Variants in SOX5 observed in about 807,000 individuals in gnomAD.
The protein encoded by SOX5 is SRY-box transcription factor 5.
Under a neutral mutation model 92.0 loss-of-function variants are expected in SOX5, and 9 were observed. The observed-to-expected ratio is 0.10, with a 90% CI of 0.06 to 0.17. SOX5 has a LOEUF of 0.17. Ranked by LOEUF, SOX5 falls within the 10% of genes least tolerant of loss-of-function variation. The pLI is 1.00. For synonymous variants in SOX5, 344 were observed against 336.3 expected (o/e 1.02, Z -0.25); for missense variants, 642 against 944.5 (o/e 0.68, Z 4.20).
chr12:23,595,618 CAAAAAAA>C (rs747265656), intron 9 of SOX5, among the ~76,000 whole-genome samples: 6 of 46,310 alleles, frequency 1.3e-4, no homozygotes, highest in Non-Finnish European at 2.3e-4. Context: ...GACTCTGCCT[CAAAAAAA>C]AAAAAAAAAA....
chr12:23,621,720 A>G (rs886148075), intron 8 of SOX5, among the ~76,000 whole-genome samples: 6 of 152,160 alleles, frequency 3.9e-5, no homozygotes, highest in African/African-American at 1.4e-4. Context: ...AGAAGAGGAA[A>G]GAGTACCAGA....
At position 24,324,232 on chromosome 12, in the gene SOX5, GA is replaced by G. The variant is rs371291637; in HGVS notation, c.-174+44330del. On this transcript the variant is annotated intron_variant, in intron 2 of 4. Transcript: ENST00000446891. ...ATTAGTTCATTAAAAGTTTTGTTTGGAAAAATCCCAGTCATATTCACAATGT... is the reference window on the plus strand; with the variant it reads ...ATTAGTTCATTAAAAGTTTTGTTTGGAAAATCCCAGTCATATTCACAATGT... Among the ~76,000 whole-genome samples the G allele has an allele frequency of 2.4e-3, 363 of 151,674 alleles. 3 individuals carry two copies. The highest frequency in any genetic ancestry group is 8.5e-3 in the African/African-American group (351 of 41,382).
At chr12:24,128,757 G>A (rs1388320246) in intron 4 of SOX5, among the ~76,000 whole-genome samples, 1 of 152,136 alleles carries the variant, frequency 6.6e-6, no homozygotes, top group Non-Finnish European at 1.5e-5. Context: ...TGCTATTGGA[G>A]GGCTTTAAAC....
intron 13 of SOX5, among the ~76,000 whole-genome samples, chr12:23,539,666 A>G (rs1941495702): frequency 6.6e-6 from 1 of 152,112 alleles, no homozygotes; most frequent in Non-Finnish European, 1.5e-5. Flanking sequence ...ATAATAAAAG[A>G]TGTGTAAATT....
intron 2 of SOX5, among the ~76,000 whole-genome samples, chr12:23,869,231 A>G (rs1428359137): frequency 3.3e-5 from 5 of 152,186 alleles, no homozygotes; most frequent in Non-Finnish European, 7.4e-5. Flanking sequence ...AAATACATTA[A>G]CTTGCCTAGT....
chr12:23,889,747 CTGACTCACGG>C (rs1263576617), intron 2 of SOX5, among the ~76,000 whole-genome samples: 3 of 152,116 alleles, frequency 2.0e-5, no homozygotes, highest in African/African-American at 7.2e-5. Flanking sequence ...AGGAAGAAAA[CTGACTCACGG>C]TGAATGTTGC....
At chr12:23,556,832 G>A (rs1945260388) in intron 11 of SOX5, among the ~76,000 whole-genome samples, 2 of 152,100 alleles carry the variant, frequency 1.3e-5, no homozygotes, top group African/African-American at 2.4e-5. Context: ...CTAAGGGAAG[G>A]AGCATGTGTT....
chr12:24,015,103 T>A (rs2136591491), intron 4 of SOX5, among the ~76,000 whole-genome samples: 4 of 152,166 alleles, frequency 2.6e-5, no homozygotes, highest in Admixed American at 2.6e-4. Context: ...TGTCTCTCTC[T>A]CTCTCTTTCT....
chr12:23,774,206 T>C (rs2095029594), intron 3 of SOX5, among the ~76,000 whole-genome samples: 1 of 152,174 alleles, frequency 6.6e-6, no homozygotes, highest in African/African-American at 2.4e-5. Context: ...GAAACATTAC[T>C]CTAGAACAAA....
chr12:23,657,849 G>C (rs778668865), intron 7 of SOX5, among the ~76,000 whole-genome samples: 1 of 152,170 alleles, frequency 6.6e-6, no homozygotes, highest in Non-Finnish European at 1.5e-5. Flanking sequence ...GTTGAAAAGA[G>C]AATACTAAGC....
chr12:24,413,791 G>T (rs12822167), intron 1 of SOX5, among the ~76,000 whole-genome samples: 58,310 of 151,944 alleles, frequency 0.38, 11,248 homozygotes, highest in Middle Eastern at 0.41. Context: ...TGAGCATGTT[G>T]TTTTTCATCG....
intron 6 of SOX5, among the ~76,000 whole-genome samples, chr12:23,732,136 T>G (rs1485811181): frequency 6.6e-6 from 1 of 152,178 alleles, no homozygotes; most frequent in Non-Finnish European, 1.5e-5. Flanking sequence ...GATAGCAGAT[T>G]GTATATTTAC....
At chr12:23,891,582 C>T (rs1375740511) in intron 2 of SOX5, among the ~76,000 whole-genome samples, 1 of 143,418 alleles carries the variant, frequency 7.0e-6, no homozygotes, top group Non-Finnish European at 1.5e-5. Context: ...ATGTCACACA[C>T]AAATACACAA....
At chr12:23,984,719 C>CT (rs2136198972) in intron 4 of SOX5, among the ~76,000 whole-genome samples, 1 of 152,226 alleles carries the variant, frequency 6.6e-6, no homozygotes, top group African/African-American at 2.4e-5. Context: ...AACTATAGGC[C>CT]TTTTCAGTCG....
intron 4 of SOX5, among the ~76,000 whole-genome samples, chr12:24,081,163 C>T (rs1038276034): frequency 7.9e-5 from 12 of 151,894 alleles, no homozygotes; most frequent in Non-Finnish European, 1.2e-4. Flanking sequence ...CATTGGCTTC[C>T]CCATAACTCT....
At chr12:23,663,438 T>C (rs2083341293) in intron 7 of SOX5, among the ~76,000 whole-genome samples, 1 of 152,184 alleles carries the variant, frequency 6.6e-6, no homozygotes. Flanking sequence ...GGAGGTGTTC[T>C]TGACCTTTTC....
At chr12:23,603,254 G>A in intron 9 of SOX5, among the ~76,000 whole-genome samples, 1 of 151,644 alleles carries the variant, frequency 6.6e-6, no homozygotes, top group East Asian at 1.9e-4. Context: ...AGCCACCAGG[G>A]TACTAGAGAA....
intron 4 of SOX5, among the ~76,000 whole-genome samples, chr12:24,210,914 G>A (rs1323524148): frequency 6.6e-6 from 1 of 152,152 alleles, no homozygotes; most frequent in Non-Finnish European, 1.5e-5. Flanking sequence ...TTGTAAGTGA[G>A]ACTGATCCTT....
intron 11 of SOX5, among the ~76,000 whole-genome samples, chr12:23,555,698 C>T (rs905121642): frequency 4.6e-5 from 7 of 152,140 alleles, no homozygotes; most frequent in Non-Finnish European, 8.8e-5. Flanking sequence ...TATACACAAA[C>T]TCCATGAAGC....
Sources: allele counts gnomAD v4.1 joint callset (sites outside exome capture counted in the v4.1 genomes callset), GRCh38; gene constraint gnomAD v4.1.1; transcripts MANE v1.5; gene names NCBI Gene and HGNC (gene_info 2026-07-23, HGNC 2026-07-21).